The following HCLS1 variants were observed in gnomAD, a reference collection of about 807,000 sequenced individuals.
The protein encoded by HCLS1 is hematopoietic lineage cell-specific protein.
Under a neutral mutation model 68.6 loss-of-function variants are expected in HCLS1, and 44 were observed. The ratio of observed to expected loss-of-function variants is 0.64; its 90% CI spans 0.50 to 0.82. The LOEUF (loss-of-function observed/expected upper bound fraction) is 0.82, where lower values mean the gene tolerates loss of function less well. Ranked by LOEUF, HCLS1 falls within the 40% of genes least tolerant of loss-of-function variation. HCLS1 has a pLI of 0.00. For synonymous variants in HCLS1, 217 were observed against 225.8 expected, an observed-to-expected ratio of 0.96 and a Z score of 0.35; for missense variants, 602 against 612.1, an observed-to-expected ratio of 0.98 and a Z score of 0.17.
rs557007474 is a variant in HCLS1 at position 121,657,846 on chromosome 3, A to G, written c.84+418T>C. The G allele has an allele frequency of 6.4e-5, 12 of 186,428 alleles. No homozygotes were observed. In the South Asian group the frequency reaches 1.2e-3, roughly 19 times the overall value. 11.5% of individuals were successfully genotyped at this position (186,428 alleles called of 1,614,324 possible). ...TGTCTCAAAAAACAAACAAGAAAAC[A>G]CAAAGAATTAAACTAGTGAGCTCTG... On this transcript the variant is annotated intron_variant, in intron 2 of 13. Coordinates refer to ENST00000314583, the MANE Select transcript of HCLS1 (RefSeq NM_005335.6).
intron 3 of HCLS1, chr3:121,656,379 CTATT>C (rs1345795225): frequency 4.6e-5 from 7 of 152,286 alleles, no homozygotes; most frequent in African/African-American, 1.7e-4. Flanking sequence ...GCTTGTTACA[CTATT>C]TATTGTGTCT....
intron 9 of HCLS1, among the ~76,000 whole-genome samples, chr3:121,634,790 C>T (rs2049133417): frequency 1.3e-5 from 2 of 152,120 alleles, no homozygotes; most frequent in South Asian, 4.2e-4. Context: ...CACCACCACA[C>T]CCAGCTAATT....
At chr3:121,633,656 G>A (rs889439249) in intron 10 of HCLS1, among the ~76,000 whole-genome samples, 5 of 152,086 alleles carry the variant, frequency 3.3e-5, no homozygotes, top group African/African-American at 1.2e-4. Flanking sequence ...TCCTCTCTAA[G>A]CCTCCCAAGT....
At chr3:121,646,272 T>C (rs188960129) in intron 4 of HCLS1, among the ~76,000 whole-genome samples, 23,861 of 110,496 alleles carry the variant, frequency 0.22, 2,673 homozygotes, top group South Asian at 0.26. Context: ...AAATATATAA[T>C]ATATATTATA....
At chr3:121,653,463 T>C (rs1488613263) in intron 3 of HCLS1, 1 of 152,246 alleles carries the variant, frequency 6.6e-6, no homozygotes, top group African/African-American at 2.4e-5. Context: ...AAAAGTACTC[T>C]GTGTTTTGCA....
intron 3 of HCLS1, among the ~76,000 whole-genome samples, chr3:121,648,963 A>T (rs896526006): frequency 6.6e-6 from 1 of 152,224 alleles, no homozygotes; most frequent in Non-Finnish European, 1.5e-5. Flanking sequence ...CAGATGAAAG[A>T]TCAAGAAAAT....
chr3:121,647,750 TA>T (rs909872681), intron 3 of HCLS1, among the ~76,000 whole-genome samples: 6 of 152,230 alleles, frequency 3.9e-5, no homozygotes, highest in African/African-American at 1.4e-4. Context: ...ATGGTACCTA[TA>T]TTCTGATAAC....
At position 121,641,495 on chromosome 3, in the gene HCLS1, T is replaced by A. The variant is rs537607496; in HGVS notation, c.454+1432A>T. Among the ~76,000 whole-genome samples, 9 of 152,330 alleles carry A rather than the reference T, an allele frequency of 5.9e-5. No individual in the cohort carries two copies. In the East Asian group the frequency reaches 1.7e-3, roughly 29 times the overall value. ...GGAAATAGGTAAATACCTTGGTCAA[T>A]TTAAATAAGCATTTACTAAGTAATA... On this transcript the variant is annotated intron_variant, in intron 6 of 13. Transcript: ENST00000314583.
At chr3:121,646,169 T>A (rs1243744881) in intron 4 of HCLS1, among the ~76,000 whole-genome samples, 6 of 114,798 alleles carry the variant, frequency 5.2e-5, no homozygotes, top group Non-Finnish European at 6.4e-5. Flanking sequence ...ATATATCTTA[T>A]AATTAATATA....
At chr3:121,644,374 G>T in intron 5 of HCLS1, 1 of 300,434 alleles carries the variant, frequency 3.3e-6, no homozygotes. Context: ...GCTAAATTCT[G>T]TAAATAGTAA....
chr3:121,646,381 G>GTA (rs1937605175), intron 4 of HCLS1, among the ~76,000 whole-genome samples: 1 of 43,564 alleles, frequency 2.3e-5, no homozygotes, highest in African/African-American at 7.1e-5. Flanking sequence ...TTATTACTAT[G>GTA]TAATATATTA....
chr3:121,639,025 GCACA>G (rs368121558), intron 6 of HCLS1, among the ~76,000 whole-genome samples: 59,818 of 137,024 alleles, frequency 0.44, 12,681 homozygotes, highest in Middle Eastern at 0.6. Flanking sequence ...ACACACACAC[GCACA>G]CACACACACA....
At chr3:121,634,541 G>T in intron 9 of HCLS1, 123 bp from the exon 10 acceptor site, 1 of 863,692 alleles carries the variant, frequency 1.2e-6, no homozygotes, top group Non-Finnish European at 1.8e-6. Context: ...GGGACAGGAT[G>T]GTAAAGAGGT....
intron 9 of HCLS1, 104 bp downstream of exon 9, chr3:121,635,631 C>A: frequency 1.1e-6 from 1 of 900,464 alleles, no homozygotes; most frequent in Non-Finnish European, 1.9e-6. Flanking sequence ...AGGTCTAACT[C>A]AGCTAATCTA....
intron 5 of HCLS1, chr3:121,644,420 A>G (rs771134810): frequency 6.2e-6 from 2 of 322,580 alleles, no homozygotes; most frequent in Admixed American, 7.7e-5. Context: ...ATCTGCTGCT[A>G]TGGCAATAAT....
At chr3:121,635,460 T>C (rs996076084) in intron 9 of HCLS1, among the ~76,000 whole-genome samples, 1 of 151,880 alleles carries the variant, frequency 6.6e-6, no homozygotes, top group African/African-American at 2.4e-5. Flanking sequence ...GTATTTTTTA[T>C]AGAGATGAGG....
intron 2 of HCLS1, 110 bp from the exon 3 acceptor site, chr3:121,657,462 C>G (rs964564795): frequency 1.1e-6 from 1 of 895,976 alleles, no homozygotes. Flanking sequence ...CTGCCTTCTT[C>G]AGTCTGGGTC....
At chr3:121,632,914 C>T (rs1430395834) in intron 11 of HCLS1, among the ~76,000 whole-genome samples, 153 bp downstream of exon 11, 1 of 152,152 alleles carries the variant, frequency 6.6e-6, no homozygotes, top group Non-Finnish European at 1.5e-5. Flanking sequence ...CTAGTTTGCC[C>T]AGGACAGAGG....
chr3:121,644,923 T>C lies in HCLS1; in HGVS notation c.294A>G (p.Ala98=), dbSNP rs1293770709. The change falls in exon 5 of 14, where the codon GCA becomes GCG. Residue 98 remains alanine (A), a synonymous_variant. Transcript: ENST00000314583. ...CCTCGGCAACATACTCATGGCCCAC[T>C]GCACTCTGAGAAAAATCAAGGATGG... ...GVERDRMDKS[A]VGHEYVAEVE... is the part of the protein sequence containing the mutation. 1.9e-6 allele frequency: 3 copies of C among 1,611,586 alleles called. No individual in the cohort carries two copies. Among genetic ancestry groups the C allele is most frequent in the Non-Finnish European group, 2.5e-6 (3 of 1,177,750 alleles).
Sources: allele counts gnomAD v4.1 joint callset (sites outside exome capture counted in the v4.1 genomes callset), GRCh38; gene constraint gnomAD v4.1.1; transcripts MANE v1.5; gene names NCBI Gene and HGNC (gene_info 2026-07-23, HGNC 2026-07-21).